GOLGA5: variants seen among roughly 807,000 people sequenced by gnomAD.
GOLGA5 encodes the protein golgin A5, also known as golgin subfamily A member 5.
A neutral mutation model predicts 93.5 loss-of-function variants in GOLGA5; 50 were observed. That is an observed-to-expected ratio of 0.53 (90% confidence interval 0.43 to 0.68). The LOEUF is 0.68. GOLGA5 is among the 30% of genes least tolerant of loss of function. The pLI is 0.00. For synonymous variants in GOLGA5, 312 were observed against 304.5 expected, an observed-to-expected ratio of 1.02 and a Z score of -0.26; for missense variants, 760 against 856.4, an observed-to-expected ratio of 0.89 and a Z score of 1.40.
At chr14:92,799,253 C>T (rs1250696226) in intron 2 of GOLGA5, among the ~76,000 whole-genome samples, 1 of 151,526 alleles carries the variant, frequency 6.6e-6, no homozygotes, top group African/African-American at 2.4e-5. Flanking sequence ...GCATGATCTA[C>T]CGTGGCCTGG....
At chr14:92,794,727 T>TG (rs1884681856) in intron 1 of GOLGA5, among the ~76,000 whole-genome samples, 1 of 151,740 alleles carries the variant, frequency 6.6e-6, no homozygotes, top group Admixed American at 6.6e-5. Flanking sequence ...GGGAGCAGAG[T>TG]GGGGGTCTCT....
At chr14:92,836,312 G>A (rs757356985) in intron 11 of GOLGA5, among the ~76,000 whole-genome samples, 1 of 152,004 alleles carries the variant, frequency 6.6e-6, no homozygotes, top group East Asian at 1.9e-4. Flanking sequence ...TAATCTTTTT[G>A]TACCTTTTTG....
chr14:92,834,690 TG>T (rs1031230427), intron 10 of GOLGA5, among the ~76,000 whole-genome samples: 73 of 152,312 alleles, frequency 4.8e-4, no homozygotes, highest in Non-Finnish European at 7.8e-4. Context: ...GAGGCCTGTA[TG>T]GGGACTTTTA....
intron 6 of GOLGA5, among the ~76,000 whole-genome samples, chr14:92,813,178 C>T (rs145636453): frequency 1.3e-5 from 2 of 152,308 alleles, no homozygotes; most frequent in African/African-American, 4.8e-5. Flanking sequence ...CCTCCTCAAA[C>T]TCTTCTTTCT....
intron 2 of GOLGA5, among the ~76,000 whole-genome samples, chr14:92,800,499 G>C (rs1211425812): frequency 6.6e-6 from 1 of 152,194 alleles, no homozygotes; most frequent in Non-Finnish European, 1.5e-5. Context: ...AACAAAGTTG[G>C]GACCTGTTTG....
intron 2 of GOLGA5, among the ~76,000 whole-genome samples, chr14:92,804,173 C>G (rs1884932912): frequency 6.6e-6 from 1 of 151,872 alleles, no homozygotes; most frequent in South Asian, 2.1e-4. Flanking sequence ...AGATATCATC[C>G]CACATTTGGA....
chr14:92,815,699 CTTTTTTTTTTTTTT>C (rs571410551), intron 6 of GOLGA5, among the ~76,000 whole-genome samples: 1 of 91,264 alleles, frequency 1.1e-5, no homozygotes, highest in Non-Finnish European at 2.0e-5. Flanking sequence ...TTTTTTTAAT[CTTTTTTTTTTTTTT>C]TTTTTTTTTA....
At chr14:92,820,140 C>G (rs1284960798) in intron 8 of GOLGA5, among the ~76,000 whole-genome samples, 1 of 152,214 alleles carries the variant, frequency 6.6e-6, no homozygotes, top group Non-Finnish European at 1.5e-5. Flanking sequence ...GCACCGGTCT[C>G]TGCGTTCCCT....
chr14:92,807,738 G>A (rs578219262), intron 3 of GOLGA5, among the ~76,000 whole-genome samples: 19 of 152,288 alleles, frequency 1.2e-4, no homozygotes, highest in African/African-American at 3.8e-4. Flanking sequence ...CTCAGAAATA[G>A]GTAATTAAGA....
intron 9 of GOLGA5, among the ~76,000 whole-genome samples, chr14:92,830,116 C>T (rs1394644938): frequency 2.6e-5 from 4 of 152,076 alleles, no homozygotes; most frequent in Non-Finnish European, 4.4e-5. Flanking sequence ...GTCAGGAGTT[C>T]GAGACTAGCC....
At chr14:92,819,524 C>T (rs552929732) in intron 7 of GOLGA5, among the ~76,000 whole-genome samples, 184 bp from the exon 8 acceptor site, 5 of 151,930 alleles carry the variant, frequency 3.3e-5, no homozygotes, top group South Asian at 2.1e-4. Context: ...TCCCGCTACT[C>T]GGGAGGCTGA....
At position 92,833,181 on chromosome 14, in the gene GOLGA5, G is replaced by A. The variant is rs773582865; in HGVS notation, c.1779G>A (p.Gln593=). Residue 593 remains glutamine, a synonymous_variant, in exon 10 of 13, where the codon CAG becomes CAA. Transcript: ENST00000163416. ...SQSELENRLH[Q]LTETLIQKQT... ...CTGAGTTAGAAAATCGACTCCATCA[G>A]CTAACAGAGACTCTCATCCAGAAAC... is the stretch of plus-strand genomic sequence containing the variant. The A allele has an allele frequency of 2.5e-6, 4 of 1,613,254 alleles. No individual in the cohort carries two copies. The highest frequency in any genetic ancestry group is 2.2e-5 in the East Asian group (1 of 44,884).
chr14:92,799,271 G>T (rs993529954), intron 2 of GOLGA5, among the ~76,000 whole-genome samples: 2 of 142,522 alleles, frequency 1.4e-5, no homozygotes, highest in Non-Finnish European at 1.5e-5. Flanking sequence ...TGGCCATAGG[G>T]ATTTTTTTTT....
rs371151849 is a variant in GOLGA5 at position 92,811,612 on chromosome 14, T to C, written c.1178T>C (p.Ile393Thr). The change falls in exon 6 of 13, where the codon ATT becomes ACT. Residue 393 changes from isoleucine to threonine, a missense_variant. By Grantham distance (89) the Ile-to-Thr change is moderately conservative (BLOSUM62 -1). Coordinates refer to ENST00000163416, the MANE Select transcript of GOLGA5 (RefSeq NM_005113.4). ...GAACGTCAGAATTTAGCAGAAGCAA[T>C]TACACTGGCCGAAAGAAAATACTCA... Reference protein sequence around the residue: ...EMERQNLAEAITLAERKYSDE... With the variant: ...EMERQNLAEATTLAERKYSDE... 1.2e-6 allele frequency: 2 copies of C among 1,613,116 alleles called. No individual in the cohort carries two copies. Among genetic ancestry groups the C allele is most frequent in the Non-Finnish European group, 1.7e-6 (2 of 1,179,300 alleles).
At chr14:92,821,685 C>G (rs367737797) in intron 8 of GOLGA5, among the ~76,000 whole-genome samples, 10 of 152,044 alleles carry the variant, frequency 6.6e-5, no homozygotes, top group African/African-American at 2.2e-4. Context: ...ACTTCTGAAA[C>G]TTGTTCTTTT....
chr14:92,824,481 A>T, intron 8 of GOLGA5, 65 bp from the exon 9 acceptor site: 1 of 753,304 alleles, frequency 1.3e-6, no homozygotes, highest in Non-Finnish European at 2.3e-6. Context: ...GCACTGATTT[A>T]GGTACTGAGG....
At chr14:92,818,315 T>A (rs771594821) in intron 7 of GOLGA5, among the ~76,000 whole-genome samples, 3 of 152,228 alleles carry the variant, frequency 2.0e-5, no homozygotes, top group Non-Finnish European at 4.4e-5. Context: ...TTAACATATA[T>A]CCTTACATTT....
At chr14:92,815,878 T>G (rs1464878653) in intron 6 of GOLGA5, among the ~76,000 whole-genome samples, 11 of 151,844 alleles carry the variant, frequency 7.2e-5, no homozygotes, top group Admixed American at 5.2e-4. Flanking sequence ...TAATTTTTTT[T>G]GTATTTTTAG....
chr14:92,797,358 A>G, intron 1 of GOLGA5, 50 bp from the exon 2 acceptor site: 1 of 1,096,938 alleles, frequency 9.1e-7, no homozygotes, highest in African/African-American at 1.6e-5. Flanking sequence ...TTAACCATTT[A>G]TCATACTCTG....
Sources: gnomAD v4.1 joint callset for allele counts (sites outside exome capture counted in the v4.1 genomes callset) on GRCh38, gnomAD v4.1.1 for gene constraint, MANE v1.5 for transcripts, NCBI Gene and HGNC (gene_info 2026-07-23, HGNC 2026-07-21) for gene names.